Variants in GPR137C observed in about 807,000 individuals in gnomAD.
GPR137C encodes integral membrane protein GPR137C.
GPR137C carries 27 observed loss-of-function variants against 43.4 expected under a neutral mutation model. That is an observed-to-expected ratio of 0.62 (90% CI 0.46 to 0.86). The LOEUF is 0.86. Ranked by LOEUF, GPR137C falls within the 40% of genes least tolerant of loss-of-function variation. GPR137C has a pLI of 0.00. For missense variants in GPR137C, 522 were observed against 534.6 expected (o/e 0.98, Z 0.23); for synonymous variants, 285 against 226.9 (o/e 1.26, Z -2.30).
At chr14:52,634,081 G>A in intron 6 of GPR137C, 135 bp downstream of exon 6, 1 of 633,906 alleles carries the variant, frequency 1.6e-6, no homozygotes, top group South Asian at 2.0e-5. Flanking sequence ...CAATACTGGA[G>A]TTTAAAGCAG....
chr14:52,613,621 C>T, intron 3 of GPR137C: 1 of 207,810 alleles, frequency 4.8e-6, no homozygotes, highest in Non-Finnish European at 9.9e-6. Context: ...TCTTTCTGTG[C>T]CTGGCATATT....
chr14:52,587,663 G>A (rs1295673953), intron 1 of GPR137C, among the ~76,000 whole-genome samples: 1 of 152,160 alleles, frequency 6.6e-6, no homozygotes, highest in Non-Finnish European at 1.5e-5. Flanking sequence ...CCAGCTACTC[G>A]AGAGGCTGAG....
At chr14:52,595,723 C>G (rs2038845987) in intron 1 of GPR137C, among the ~76,000 whole-genome samples, 1 of 152,112 alleles carries the variant, frequency 6.6e-6, no homozygotes, top group Admixed American at 6.6e-5. Flanking sequence ...TTCGCCTGAC[C>G]TTTTTTCAAG....
chr14:52,607,786 A>C (rs1404286599), intron 3 of GPR137C, among the ~76,000 whole-genome samples: 1 of 152,168 alleles, frequency 6.6e-6, no homozygotes, highest in Non-Finnish European at 1.5e-5. Flanking sequence ...GAGGCACAAG[A>C]ATCGCTTGAG....
At chr14:52,563,483 A>C (rs2038318290) in intron 1 of GPR137C, among the ~76,000 whole-genome samples, 1 of 152,090 alleles carries the variant, frequency 6.6e-6, no homozygotes, top group African/African-American at 2.4e-5. Flanking sequence ...ACCTATATGC[A>C]TCAAAACCTG....
At chr14:52,630,739 C>CA (rs976126784) in intron 3 of GPR137C, among the ~76,000 whole-genome samples, 2 of 152,164 alleles carry the variant, frequency 1.3e-5, no homozygotes, top group African/African-American at 4.8e-5. Flanking sequence ...TAATAACAAA[C>CA]ATTTTTAATT....
chr14:52,579,501 A>G (rs1402643081), intron 1 of GPR137C, among the ~76,000 whole-genome samples: 1 of 152,172 alleles, frequency 6.6e-6, no homozygotes, highest in Non-Finnish European at 1.5e-5. Context: ...CGTTGTTCTC[A>G]ACCCTTCTCA....
At chr14:52,585,969 A>G (rs1365979088) in intron 1 of GPR137C, among the ~76,000 whole-genome samples, 3 of 152,230 alleles carry the variant, frequency 2.0e-5, no homozygotes, top group Non-Finnish European at 2.9e-5. Context: ...TTCATAGGGC[A>G]GCACTGTGAG....
chr14:52,622,393 A>G (rs971691933), intron 3 of GPR137C, among the ~76,000 whole-genome samples: 1 of 152,084 alleles, frequency 6.6e-6, no homozygotes, highest in Non-Finnish European at 1.5e-5. Context: ...TCATTAGACA[A>G]TATTCAAAAG....
intron 1 of GPR137C, among the ~76,000 whole-genome samples, chr14:52,593,062 G>A (rs2038804679): frequency 2.0e-5 from 3 of 152,070 alleles, no homozygotes; most frequent in Admixed American, 2.0e-4. Flanking sequence ...TTTAATCGAA[G>A]GCCTTTTCTG....
intron 1 of GPR137C, among the ~76,000 whole-genome samples, chr14:52,597,646 A>G (rs1280570252): frequency 6.6e-6 from 1 of 152,204 alleles, no homozygotes; most frequent in East Asian, 1.9e-4. Context: ...GTTCACCAGT[A>G]AGGACTTGAG....
chr14:52,565,595 T>A lies in GPR137C; in HGVS notation c.444+12004T>A, dbSNP rs183616931. ...CATACCCTTCAACACCTAGCACTGT[T>A]ATATATGTGGTCAGTGCTTAATGAC... On this transcript the variant is annotated intron_variant, in intron 1 of 6. Coordinates refer to ENST00000321662, the MANE Select transcript of GPR137C (RefSeq NM_001099652.2). Among the ~76,000 whole-genome samples, 4 of 152,308 alleles carry A rather than the reference T, an allele frequency of 2.6e-5. No individual in the cohort carries two copies. The East Asian group carries it at 7.7e-4, about 29-fold the overall frequency.
chr14:52,570,931 G>A (rs571699025), intron 1 of GPR137C, among the ~76,000 whole-genome samples: 18 of 152,214 alleles, frequency 1.2e-4, no homozygotes, highest in South Asian at 4.1e-4. Flanking sequence ...ACAGATTAAC[G>A]AAACAGAAAA....
intron 3 of GPR137C, among the ~76,000 whole-genome samples, chr14:52,600,782 A>G (rs2038915234): frequency 1.3e-5 from 2 of 152,364 alleles, no homozygotes; most frequent in South Asian, 4.1e-4. Context: ...CACATGAAAT[A>G]AATCAGAATA....
intron 3 of GPR137C, among the ~76,000 whole-genome samples, chr14:52,630,036 C>T (rs529891821): frequency 1.3e-5 from 2 of 152,216 alleles, no homozygotes; most frequent in Non-Finnish European, 1.5e-5. Flanking sequence ...CTTCGACTTT[C>T]GATAACACTT....
At chr14:52,594,325 A>C (rs943695951) in intron 1 of GPR137C, among the ~76,000 whole-genome samples, 3 of 152,172 alleles carry the variant, frequency 2.0e-5, no homozygotes, top group African/African-American at 7.2e-5. Flanking sequence ...AGAGTTCTGT[A>C]GATGTCTATT....
intron 1 of GPR137C, among the ~76,000 whole-genome samples, chr14:52,555,873 T>C (rs958865343): frequency 2.0e-5 from 3 of 152,180 alleles, no homozygotes; most frequent in Admixed American, 6.5e-5. Flanking sequence ...AAAGGAGATA[T>C]CTTAACCAGA....
At chr14:52,586,779 C>A (rs1303010223) in intron 1 of GPR137C, among the ~76,000 whole-genome samples, 1 of 152,160 alleles carries the variant, frequency 6.6e-6, no homozygotes, top group Non-Finnish European at 1.5e-5. Context: ...AGATGTAATA[C>A]ATTTTAAATA....
chr14:52,626,045 A>G (rs2039223461), intron 3 of GPR137C, among the ~76,000 whole-genome samples: 1 of 152,196 alleles, frequency 6.6e-6, no homozygotes. Context: ...AAAAAACAAT[A>G]CAGAATAACA....
Sources: gnomAD v4.1 joint callset for allele counts (sites outside exome capture counted in the v4.1 genomes callset) on GRCh38, gnomAD v4.1.1 for gene constraint, MANE v1.5 for transcripts, NCBI Gene and HGNC (gene_info 2026-07-23, HGNC 2026-07-21) for gene names.